Variants in NCALD observed in about 807,000 individuals in gnomAD.
NCALD encodes neurocalcin delta.
Under a neutral mutation model 18.6 loss-of-function variants are expected in NCALD, and 10 were observed. The observed-to-expected ratio is 0.54, with a 90% CI of 0.33 to 0.91. The LOEUF (loss-of-function observed/expected upper bound fraction) is 0.91, where lower values mean the gene tolerates loss of function less well. NCALD is among the 40% of genes least tolerant of loss of function. The pLI, the probability that NCALD is intolerant of heterozygous loss-of-function variation, is 0.03. For missense variants in NCALD, 184 were observed against 247.6 expected (o/e 0.74, Z 1.72); for synonymous variants, 88 against 87.4 (o/e 1.01, Z -0.04).
At chr8:101,930,201 A>G (rs1354795740) in intron 2 of NCALD, among the ~76,000 whole-genome samples, 1 of 151,984 alleles carries the variant, frequency 6.6e-6, no homozygotes, top group Non-Finnish European at 1.5e-5. Flanking sequence ...GAAAAATAAC[A>G]TATTTTTATT....
chr8:101,982,043 T>C (rs1274009746), intron 2 of NCALD, among the ~76,000 whole-genome samples: 1 of 152,162 alleles, frequency 6.6e-6, no homozygotes, highest in Non-Finnish European at 1.5e-5. Context: ...CTCCTCTGTC[T>C]CTTTCTTGCT....
intron 1 of NCALD, among the ~76,000 whole-genome samples, chr8:101,768,496 G>A (rs1187072985): frequency 2.0e-5 from 3 of 152,212 alleles, no homozygotes; most frequent in Admixed American, 6.5e-5. Context: ...GCCACCTGAG[G>A]TGAGAAGTTC....
intron 2 of NCALD, among the ~76,000 whole-genome samples, chr8:101,972,507 T>C (rs981001273): frequency 1.3e-5 from 2 of 152,200 alleles, no homozygotes; most frequent in African/African-American, 4.8e-5. Context: ...GAACCCACTT[T>C]TCAACCTGAA....
At chr8:102,092,345 C>T (rs547795879) in intron 1 of NCALD, among the ~76,000 whole-genome samples, 5 of 152,330 alleles carry the variant, frequency 3.3e-5, no homozygotes, top group African/African-American at 1.2e-4. Flanking sequence ...GCTGCTCTGC[C>T]TATGGAGTAG....
chr8:101,928,318 C>A (rs753820508), intron 2 of NCALD, among the ~76,000 whole-genome samples: 27 of 152,136 alleles, frequency 1.8e-4, no homozygotes, highest in Non-Finnish European at 3.8e-4. Flanking sequence ...GCTGTACTTT[C>A]CCCTAATTCC....
intron 3 of NCALD, among the ~76,000 whole-genome samples, chr8:101,898,165 TA>T (rs1333075884): frequency 2.6e-5 from 4 of 152,326 alleles, no homozygotes; most frequent in African/African-American, 9.6e-5. Context: ...CAGTCTCAGG[TA>T]TGTCTTTATT....
intron 1 of NCALD, among the ~76,000 whole-genome samples, chr8:102,060,212 A>G (rs2132255425): frequency 7.3e-6 from 1 of 136,506 alleles, no homozygotes; most frequent in Non-Finnish European, 1.5e-5. Context: ...TGATCTCCTG[A>G]CCTTGTGATC....
At chr8:102,092,926 A>G (rs80237056) in intron 1 of NCALD, among the ~76,000 whole-genome samples, 4,576 of 152,294 alleles carry the variant, frequency 0.03, 105 homozygotes, top group Non-Finnish European at 0.045. Context: ...CCATTGGACT[A>G]TAACTATATG....
At chr8:101,885,894 C>A (rs539982532) in intron 4 of NCALD, among the ~76,000 whole-genome samples, 2 of 152,152 alleles carry the variant, frequency 1.3e-5, no homozygotes, top group Non-Finnish European at 2.9e-5. Flanking sequence ...TCAGAAAGAG[C>A]CAAGGAACTA....
intron 4 of NCALD, among the ~76,000 whole-genome samples, chr8:101,878,926 C>T (rs895836626): frequency 2.0e-5 from 3 of 152,330 alleles, no homozygotes; most frequent in African/African-American, 7.2e-5. Flanking sequence ...GCCCTAGGTT[C>T]TGTCCTCATG....
chr8:101,744,461 C>T (rs944575066), intron 1 of NCALD, among the ~76,000 whole-genome samples: 5 of 152,192 alleles, frequency 3.3e-5, no homozygotes, highest in African/African-American at 7.2e-5. Flanking sequence ...TCCAAAGTAA[C>T]GGAGAAGTCT....
intron 1 of NCALD, among the ~76,000 whole-genome samples, chr8:101,786,933 AC>A (rs1475974839): frequency 1.3e-5 from 2 of 151,784 alleles, no homozygotes; most frequent in Non-Finnish European, 2.9e-5. Context: ...CATGCAAAAA[AC>A]CCCCTAAAGT....
At chr8:101,860,895 T>C (rs1422646734) in intron 4 of NCALD, among the ~76,000 whole-genome samples, 3 of 152,176 alleles carry the variant, frequency 2.0e-5, no homozygotes, top group Non-Finnish European at 2.9e-5. Flanking sequence ...TACCGACCCC[T>C]GAAAGCTGAA....
At chr8:101,813,498 C>T (rs1813385837) in intron 4 of NCALD, among the ~76,000 whole-genome samples, 1 of 152,058 alleles carries the variant, frequency 6.6e-6, no homozygotes, top group Non-Finnish European at 1.5e-5. Flanking sequence ...TAGTCGGTGG[C>T]AGATTGAAAC....
chr8:102,007,370 A>G (rs1821750839), intron 2 of NCALD, among the ~76,000 whole-genome samples: 2 of 152,224 alleles, frequency 1.3e-5, no homozygotes, highest in African/African-American at 2.4e-5. Context: ...CCAAGATAAA[A>G]TGTTTACTAA....
chr8:101,700,412 G>A (rs530403405), intron 2 of NCALD, among the ~76,000 whole-genome samples: 1 of 152,258 alleles, frequency 6.6e-6, no homozygotes, highest in South Asian at 2.1e-4. Flanking sequence ...GGTCTCATAT[G>A]TGGCACAAAA....
chr8:102,068,773 T>C (rs1824090471), intron 1 of NCALD, among the ~76,000 whole-genome samples: 1 of 152,250 alleles, frequency 6.6e-6, no homozygotes, highest in Non-Finnish European at 1.5e-5. Context: ...TAGCTCATAG[T>C]ATTTGCTCAA....
At chr8:101,865,061 G>C (rs1016111675) in intron 4 of NCALD, among the ~76,000 whole-genome samples, 8 of 152,170 alleles carry the variant, frequency 5.3e-5, no homozygotes, top group Admixed American at 2.0e-4. Context: ...GACTCAACAA[G>C]AAGTAAGGGG....
Position 101,879,227 on chromosome 8 carries a change from C to T in NCALD, c.-20+7914G>A, listed in dbSNP as rs528988252. ...GTCTCACTGACTTCAAGAATAAGGC[C>T]GTGGACCCTCATGGTGTTACAATTC... On this transcript the variant is annotated intron_variant, in intron 4 of 6. Coordinates refer to the NCALD transcript ENST00000311028. Among the ~76,000 whole-genome samples the T allele has an allele frequency of 1.8e-4, 27 of 152,252 alleles. 1 individual carries two copies. In the South Asian group the frequency reaches 5.0e-3, roughly 28 times the overall value.
Sources: allele counts gnomAD v4.1 joint callset (sites outside exome capture counted in the v4.1 genomes callset), GRCh38; gene constraint gnomAD v4.1.1; transcripts MANE v1.5; gene names NCBI Gene and HGNC (gene_info 2026-07-23, HGNC 2026-07-21).